TMCO5A: variants seen among roughly 807,000 people sequenced by gnomAD.
TMCO5A encodes transmembrane and coiled-coil domain-containing protein 5A.
TMCO5A carries 34 observed loss-of-function variants against 42.3 expected under a neutral mutation model. That is an observed-to-expected ratio of 0.80 (90% CI 0.61 to 1.07). TMCO5A has a LOEUF of 1.07. Among genes scored for constraint, TMCO5A ranks in the 50% least tolerant of loss-of-function variants. The probability of loss-of-function intolerance (pLI) is 0.00; values close to 1 mark genes in which losing one functional copy is unlikely to be tolerated. For synonymous variants in TMCO5A, 131 were observed against 115.6 expected (o/e 1.13, Z -0.86); for missense variants, 357 against 327.9 (o/e 1.09, Z -0.69).
At chr15:37,972,768 G>C in the TMCO5A span, among the ~76,000 whole-genome samples, 1 of 152,168 alleles carries the variant, frequency 6.6e-6, no homozygotes, top group African/African-American at 2.4e-5. Flanking sequence ...CTGTGCAGAA[G>C]CTCTTCAGTT....
At chr15:38,019,003 G>A in the TMCO5A span, among the ~76,000 whole-genome samples, 2 of 151,986 alleles carry the variant, frequency 1.3e-5, no homozygotes, top group Non-Finnish European at 2.9e-5. Flanking sequence ...AAGTATGGAG[G>A]TAAAGAATAT....
chr15:37,938,889 T>C (rs531535522), intron 6 of TMCO5A, among the ~76,000 whole-genome samples: 1 of 152,190 alleles, frequency 6.6e-6, no homozygotes, highest in East Asian at 1.9e-4. Flanking sequence ...ACAACCTATC[T>C]GATGAGAGAG....
At chr15:37,969,122 A>C (rs1438430644), downstream of TMCO5A, among the ~76,000 whole-genome samples, 1 of 152,208 alleles carries the variant, frequency 6.6e-6, no homozygotes, top group Admixed American at 6.5e-5. Context: ...GTAATTCTCC[A>C]TGTCTACGTC....
chr15:37,935,224 A>C (rs1889471771), intron 1 of TMCO5A, 33 bp from the exon 2 acceptor site: 1 of 152,142 alleles, frequency 6.6e-6, no homozygotes, highest in Non-Finnish European at 1.5e-5. Flanking sequence ...CCATTTCTCC[A>C]ATTCATTAGA....
downstream of TMCO5A, among the ~76,000 whole-genome samples, chr15:37,956,103 G>C (rs1890283431): frequency 6.6e-6 from 1 of 152,178 alleles, no homozygotes; most frequent in African/African-American, 2.4e-5. Flanking sequence ...GCAATGTGTA[G>C]AGGGAAATTT....
chr15:37,970,447 G>T (rs1772801525), downstream of TMCO5A, among the ~76,000 whole-genome samples: 1 of 152,192 alleles, frequency 6.6e-6, no homozygotes, highest in African/African-American at 2.4e-5. Context: ...TTCAAGATGA[G>T]ATTTGGGTGG....
At chr15:37,969,895 T>C (rs1294728294), downstream of TMCO5A, among the ~76,000 whole-genome samples, 6 of 152,214 alleles carry the variant, frequency 3.9e-5, no homozygotes, top group African/African-American at 1.4e-4. Flanking sequence ...AGTATATATA[T>C]ACCACATTTT....
the TMCO5A span, among the ~76,000 whole-genome samples, chr15:37,995,568 G>A: frequency 6.6e-6 from 1 of 152,178 alleles, no homozygotes; most frequent in African/African-American, 2.4e-5. Context: ...CCACCGAAGA[G>A]CCCAGTGGCT....
chr15:37,971,934 GTCT>G (rs1265093246), downstream of TMCO5A, among the ~76,000 whole-genome samples: 1 of 152,112 alleles, frequency 6.6e-6, no homozygotes, highest in Non-Finnish European at 1.5e-5. Context: ...ACATTTTCCT[GTCT>G]TCTTCTGTGC....
At chr15:38,031,721 A>C in the TMCO5A span, among the ~76,000 whole-genome samples, 3 of 152,180 alleles carry the variant, frequency 2.0e-5, no homozygotes, top group African/African-American at 4.8e-5. Context: ...GCCAAAAATC[A>C]CCAGCTAAGC....
chr15:38,027,357 T>C, the TMCO5A span, among the ~76,000 whole-genome samples: 1 of 152,144 alleles, frequency 6.6e-6, no homozygotes, highest in Non-Finnish European at 1.5e-5. Flanking sequence ...ACTGCCCCAC[T>C]GGATTTGGGA....
the TMCO5A span, among the ~76,000 whole-genome samples, chr15:38,012,134 G>GA: frequency 7.1e-6 from 1 of 140,154 alleles, no homozygotes; most frequent in Admixed American, 7.0e-5. Context: ...AAAAAAAAAA[G>GA]AAAAAAAGAA....
intron 11 of TMCO5A, among the ~76,000 whole-genome samples, chr15:37,960,498 G>A (rs993425124): frequency 1.3e-5 from 2 of 152,108 alleles, no homozygotes; most frequent in African/African-American, 4.8e-5. Context: ...AAACATGAGT[G>A]TGCAAATATC....
At chr15:37,976,862 T>A in the TMCO5A span, among the ~76,000 whole-genome samples, 1 of 149,280 alleles carries the variant, frequency 6.7e-6, no homozygotes. Context: ...CTCGGCTCAT[T>A]ACAACCTCCG....
At chr15:37,984,577 A>G in the TMCO5A span, among the ~76,000 whole-genome samples, 1 of 152,036 alleles carries the variant, frequency 6.6e-6, no homozygotes, top group Non-Finnish European at 1.5e-5. Context: ...GTGTACTTTC[A>G]AACTTCAAAT....
chr15:37,966,564 C>T, intron 11 of TMCO5A: 1 of 702,696 alleles, frequency 1.4e-6, no homozygotes, highest in African/African-American at 1.7e-5. Flanking sequence ...TTAGGCAAGG[C>T]TACAGCAAGA....
chr15:37,937,502 G>T (rs1329678296), intron 5 of TMCO5A, 106 bp downstream of exon 5: 5 of 1,189,430 alleles, frequency 4.2e-6, no homozygotes, highest in Non-Finnish European at 4.9e-6. Flanking sequence ...AGTCAGAGAG[G>T]CCTGTATGTG....
intron 11 of TMCO5A, among the ~76,000 whole-genome samples, chr15:37,949,139 G>T (rs1437522521): frequency 6.6e-6 from 1 of 151,468 alleles, no homozygotes; most frequent in Non-Finnish European, 1.5e-5. Context: ...TAACTCATCA[G>T]TTGAAAGAAA....
chr15:37,972,412 G>A (rs988846969), downstream of TMCO5A, among the ~76,000 whole-genome samples: 49 of 152,196 alleles, frequency 3.2e-4, no homozygotes, highest in African/African-American at 2.6e-4. Context: ...CAATGTATAC[G>A]CATTTTCTTT....
Sources: allele counts gnomAD v4.1 joint callset (sites outside exome capture counted in the v4.1 genomes callset), GRCh38; gene constraint gnomAD v4.1.1; transcripts MANE v1.5; gene names NCBI Gene and HGNC (gene_info 2026-07-23, HGNC 2026-07-21).